CSNK2A3: variants seen among roughly 807,000 people sequenced by gnomAD.
CSNK2A3 encodes casein kinase 2 alpha 3, also known as casein kinase II subunit alpha 3.
In CSNK2A3, 31 loss-of-function variants were observed where a neutral mutation model predicts 36.5. That is an observed-to-expected ratio of 0.85 (90% CI 0.64 to 1.15). The LOEUF is 1.15. CSNK2A3 is among the 50% of genes most tolerant of loss of function. The pLI, the probability that CSNK2A3 is intolerant of heterozygous loss-of-function variation, is 0.00. For synonymous variants in CSNK2A3, 152 were observed against 176.3 expected, an observed-to-expected ratio of 0.86 and a Z score of 1.09; for missense variants, 443 against 487.2, an observed-to-expected ratio of 0.91 and a Z score of 0.85.
chr11:11,352,962 A>T lies in CSNK2A3; in HGVS notation c.158T>A (p.Val53Glu), dbSNP rs751042839. The T allele has an allele frequency of 4.3e-6, 7 of 1,614,064 alleles. No homozygotes were observed. In the South Asian group the frequency reaches 7.7e-5, roughly 18 times the overall value. Residue 53 changes from valine to glutamate, a missense_variant, in exon 1 of 1, where the codon GTA (valine) becomes GAA (glutamate). Coordinates refer to ENST00000528848, the MANE Select transcript of CSNK2A3 (RefSeq NM_001256686.2). ...ATTTGTGATGTTGATGGCTTCAAAT[A>T]CTTCACTGTATTTACCTCGGCCTAA... ...RKLGRGKYSEVFEAINITNNE... is the reference protein window; with the variant it reads ...RKLGRGKYSEEFEAINITNNE...
Position 11,353,001 on chromosome 11 carries a change from T to G in CSNK2A3, c.119A>C (p.Gln40Pro). The change falls in exon 1 of 1, where the codon CAG becomes CCG. Residue 40 changes from glutamine (Q) to proline (P), a missense_variant. Coordinates refer to ENST00000528848, the MANE Select transcript of CSNK2A3 (RefSeq NM_001256686.2). ...VVEWGNQDDYQLVRKLGRGKY... is the reference protein window; with the variant it reads ...VVEWGNQDDYPLVRKLGRGKY... Reference sequence around the variant, plus strand: ...ACCTCGGCCTAATTTTCGAACCAGCTGGTAGTCATCTTGATTTCCCCATTC... The same window carrying G: ...ACCTCGGCCTAATTTTCGAACCAGCGGGTAGTCATCTTGATTTCCCCATTC... The G allele has an allele frequency of 6.2e-7, 1 of 1,614,228 alleles. No homozygotes were observed. Among genetic ancestry groups the G allele is most frequent in the Non-Finnish European group, 8.5e-7 (1 of 1,180,044 alleles).
Position 11,352,058 on chromosome 11 carries a change from C to T in CSNK2A3, c.1062G>A (p.Gly354=). 2 of 1,613,816 alleles carry T rather than the reference C, an allele frequency of 1.2e-6. No homozygotes were observed. The highest frequency in any genetic ancestry group is 2.2e-5 in the East Asian group (1 of 44,846). Reference sequence around the variant, plus strand: ...GTGAAGGAGTTGGCACTGAAGAAATCCCTGACATCACATTGGCGCTGCTGA... The same window carrying T: ...GTGAAGGAGTTGGCACTGAAGAAATTCCTGACATCACATTGGCGCTGCTGA... ...TPVSSANVMS[G]ISSVPTPSPL... The change falls in exon 1 of 1, where the codon GGG becomes GGA. Residue 354 remains glycine (G), a synonymous_variant. Transcript: ENST00000528848.
chr11:11,352,670 CATGCTGTGACAATA>C, the CSNK2A3 span: 382 of 1,614,168 alleles, frequency 2.4e-4, 8 homozygotes, highest in South Asian at 3.9e-3. Flanking sequence ...GCATAATTCC[CATGCTGTGACAATA>C]ATCCAGGGCC....
In CSNK2A3 at chr11:11,352,152, T is replaced by A; in HGVS notation, c.968A>T (p.Tyr323Phe). The stretch of plus-strand genomic sequence containing the variant: ...CTGGTCCTTCACAACAGTGTAGAAA[T>A]AGGGGTGCTCCATGGCCTCTCTTGC... ...LTAREAMEHP[Y>F]FYTVVKDQAR... The change falls in exon 1 of 1, where the codon TAT becomes TTT. Residue 323 changes from tyrosine to phenylalanine, a missense_variant. Physicochemically the swap from Tyr to Phe is conservative, Grantham distance 22. Transcript: ENST00000528848. 1.2e-6 allele frequency: 2 copies of A among 1,612,960 alleles called. No individual in the cohort carries two copies.
Position 11,352,510 on chromosome 11 carries a change from C to T in CSNK2A3, c.610G>A (p.Val204Ile), listed in dbSNP as rs756355510. ...CTATAATCGTACATCTGATAGTCTA[C>T]AAGTAGCTCAGGACCTTTGAAGTAT... ...SRYFKGPELL[V>I]DYQMYDYSLD... The change falls in exon 1 of 1, where the codon GTA (valine) becomes ATA (isoleucine). Residue 204 changes from valine (V) to isoleucine (I), a missense_variant. Coordinates refer to ENST00000528848, the MANE Select transcript of CSNK2A3 (RefSeq NM_001256686.2). 6.2e-7 allele frequency: 1 copy of T among 1,614,122 alleles called. No individual in the cohort carries two copies. Among genetic ancestry groups the T allele is most frequent in the Non-Finnish European group, 8.5e-7 (1 of 1,180,038 alleles).
At position 11,352,127 on chromosome 11, in the gene CSNK2A3, C is replaced by T; in HGVS notation, c.993G>A (p.Gln331=). Residue 331 remains glutamine, a synonymous_variant, in exon 1 of 1, where the codon CAG becomes CAA. Coordinates refer to ENST00000528848, the MANE Select transcript of CSNK2A3 (RefSeq NM_001256686.2). ...GCATGCTAGATGAACCCATTCGAGC[C>T]TGGTCCTTCACAACAGTGTAGAAAT... ...HPYFYTVVKD[Q]ARMGSSSMPG... 1 of 1,613,586 alleles carries T rather than the reference C, an allele frequency of 6.2e-7. No homozygotes were observed. The highest frequency in any genetic ancestry group is 2.2e-5 in the East Asian group (1 of 44,860).
Position 11,352,342 on chromosome 11 carries a change from T to C in CSNK2A3, c.778A>G (p.Lys260Glu). The C allele has an allele frequency of 6.8e-6, 11 of 1,614,146 alleles. No homozygotes were observed. The highest frequency in any genetic ancestry group is 9.3e-6 in the Non-Finnish European group (11 of 1,180,024). Reference sequence around the variant, plus strand: ...CGTGGATCTAATTCAATGTTGTATTTGTCAATATAGCCATATAAATCTTCT... The same window carrying C: ...CGTGGATCTAATTCAATGTTGTATTCGTCAATATAGCCATATAAATCTTCT... ...GTEDLYGYID[K>E]YNIELDPRFN... Residue 260 changes from lysine (K) to glutamate (E), a missense_variant, in exon 1 of 1, where the codon AAA becomes GAA. Lys to Glu is a moderately conservative substitution (Grantham distance 56, BLOSUM62 1). Coordinates refer to ENST00000528848, the MANE Select transcript of CSNK2A3 (RefSeq NM_001256686.2).
At position 11,352,234 on chromosome 11, in the gene CSNK2A3, C is replaced by T. The variant is rs760161199; in HGVS notation, c.886G>A (p.Glu296Lys). 9 of 1,613,912 alleles carry T rather than the reference C, an allele frequency of 5.6e-6. No homozygotes were observed. In the Admixed American group the frequency reaches 1.5e-4, roughly 27 times the overall value. Residue 296 changes from glutamate (E) to lysine (K), a missense_variant, in exon 1 of 1, where the codon GAG becomes AAG. Physicochemically the swap from Glu to Lys is moderately conservative, Grantham distance 56. Coordinates refer to ENST00000528848, the MANE Select transcript of CSNK2A3 (RefSeq NM_001256686.2). ...AGTTTGTCCAGGAAATCCAAGGCCT[C>T]AGGGCTGACAAGGTGCTGATTTTCA... Reference protein sequence around the residue: ...HSENQHLVSPEALDFLDKLLR... With the variant: ...HSENQHLVSPKALDFLDKLLR...
At position 11,353,244 on chromosome 11, in the gene CSNK2A3, G is replaced by T; in HGVS notation, c.-125C>A. The T allele has an allele frequency of 1.6e-6, 2 of 1,237,292 alleles. No homozygotes were observed. Among genetic ancestry groups the T allele is most frequent in the Non-Finnish European group, 1.1e-6 (1 of 875,438 alleles). 76.6% of individuals were successfully genotyped at this position (1,237,292 alleles called of 1,614,324 possible). A position where few individuals can be genotyped will look rare whatever the true frequency, so the allele number is the denominator to read the frequency against. ...TTTTCTTCACACTGTGGTGGAAGCG[G>T]CAGCGGCTGTGGCCGCTCTCCCTTC... On this transcript the variant is annotated 5_prime_UTR_variant, in exon 1 of 1. Coordinates refer to ENST00000528848, the MANE Select transcript of CSNK2A3 (RefSeq NM_001256686.2).
chr11:11,352,069 C>T lies in CSNK2A3; in HGVS notation c.1051G>A (p.Val351Met), dbSNP rs1056965. 1.2e-6 allele frequency: 2 copies of T among 1,613,824 alleles called. No individual in the cohort carries two copies. The highest frequency in any genetic ancestry group is 1.7e-6 in the Non-Finnish European group (2 of 1,179,992). The stretch of plus-strand genomic sequence containing the variant: ...GGCACTGAAGAAATCCCTGACATCA[C>T]ATTGGCGCTGCTGACGGGCGTACTG... Reference protein sequence around the residue: ...GGSTPVSSANVMSGISSVPTP... With the variant: ...GGSTPVSSANMMSGISSVPTP... Residue 351 changes from valine to methionine, a missense_variant, in exon 1 of 1, where the codon GTG becomes ATG. Physicochemically the swap from Val to Met is conservative, Grantham distance 21. Transcript: ENST00000528848.
At position 11,352,801 on chromosome 11, in the gene CSNK2A3, G is replaced by C. The variant is rs189116067; in HGVS notation, c.319C>G (p.Arg107Gly). 6 of 1,614,052 alleles carry C rather than the reference G, an allele frequency of 3.7e-6. No individual in the cohort carries two copies. The highest frequency in any genetic ancestry group is 5.1e-6 in the Non-Finnish European group (6 of 1,180,042). Residue 107 changes from arginine to glycine, a missense_variant, in exon 1 of 1, where the codon CGA becomes GGA. Coordinates refer to ENST00000528848, the MANE Select transcript of CSNK2A3 (RefSeq NM_001256686.2). ...TGTTCAAAAACCAAGGCGGGGGTTCGTGACACAGGGTCTTTTACAATGTCT... is the reference window on the plus strand; with the variant it reads ...TGTTCAAAAACCAAGGCGGGGGTTCCTGACACAGGGTCTTTTACAATGTCT... ...LADIVKDPVS[R>G]TPALVFEHVN...
Position 11,352,881 on chromosome 11 carries a change from C to T in CSNK2A3, c.239G>A (p.Arg80His), listed in dbSNP as rs757842632. The T allele has an allele frequency of 1.8e-5, 29 of 1,614,024 alleles. No individual in the cohort carries two copies. Among genetic ancestry groups the T allele is most frequent in the Admixed American group, 6.7e-5 (4 of 59,990 alleles). ...LKPVKKKKIK[R>H]EIKILENLRG... ...CAAATTCTCCAAAATCTTTATTTCA[C>T]GCTTAATTTTCTTCTTTTTTACTGG... The change falls in exon 1 of 1, where the codon CGT becomes CAT. Residue 80 changes from arginine to histidine, a missense_variant. Arg to His is a conservative substitution (Grantham distance 29, BLOSUM62 0). Coordinates refer to ENST00000528848, the MANE Select transcript of CSNK2A3 (RefSeq NM_001256686.2).
rs768428700 is a variant in CSNK2A3 at position 11,351,954 on chromosome 11, G to A, written c.1166C>T (p.Ala389Val). ...AGACAGATAGGGCCGTTACTGCTGA[G>A]CGCCAGTGGCAGCTGGAACAGGCAT... is the stretch of plus-strand genomic sequence containing the variant. Reference protein sequence around the residue: ...LGMPVPAATGAQQ With the variant: ...LGMPVPAATGVQQ The change falls in exon 1 of 1, where the codon GCT (alanine) becomes GTT (valine). Residue 389 changes from alanine to valine, a missense_variant. Ala to Val is a moderately conservative substitution (Grantham distance 64). Coordinates refer to ENST00000528848, the MANE Select transcript of CSNK2A3 (RefSeq NM_001256686.2). 1.1e-5 allele frequency: 17 copies of A among 1,593,764 alleles called. No individual in the cohort carries two copies. In the African/African-American group the frequency reaches 1.9e-4, roughly 18 times the overall value.
Position 11,352,006 on chromosome 11 carries a change from C to T in CSNK2A3, c.1114G>A (p.Val372Met), listed in dbSNP as rs1328598548. 8.7e-6 allele frequency: 14 copies of T among 1,613,148 alleles called. No individual in the cohort carries two copies. The highest frequency in any genetic ancestry group is 1.0e-5 in the Non-Finnish European group (12 of 1,179,690). Residue 372 changes from valine (V) to methionine (M), a missense_variant, in exon 1 of 1, where the codon GTG becomes ATG. Val to Met is a conservative substitution (Grantham distance 21, BLOSUM62 1). Coordinates refer to ENST00000528848, the MANE Select transcript of CSNK2A3 (RefSeq NM_001256686.2). ...SPLGPLAGSP[V>M]IAAANPLGMP... ...CCAAGGGGGTTGGCAGCAGCAATCA[C>T]TGGTGAGCCTGCCAGAGGTCCAAGG...
In CSNK2A3 at chr11:11,352,263, T is replaced by C. The variant is rs747145401; in HGVS notation, c.857A>G (p.His286Arg). The C allele has an allele frequency of 8.1e-6, 13 of 1,613,986 alleles. No homozygotes were observed. The highest frequency in any genetic ancestry group is 2.2e-5 in the South Asian group (2 of 91,078). ...HSRKRWERFV[H>R]SENQHLVSPE... Reference sequence around the variant, plus strand: ...GCTGACAAGGTGCTGATTTTCACTGTGGACAAAGCGTTCCCATCGCTTTCG... The same window carrying C: ...GCTGACAAGGTGCTGATTTTCACTGCGGACAAAGCGTTCCCATCGCTTTCG... Residue 286 changes from histidine to arginine, a missense_variant, in exon 1 of 1, where the codon CAC becomes CGC. Transcript: ENST00000528848.
chr11:11,352,811 G>A lies in CSNK2A3; in HGVS notation c.309C>T (p.Asp103=), dbSNP rs1455875891. The A allele has an allele frequency of 1.2e-6, 2 of 1,614,030 alleles. No individual in the cohort carries two copies. Among genetic ancestry groups the A allele is most frequent in the East Asian group, 4.5e-5 (2 of 44,902 alleles). ...NIITLADIVK[D]PVSRTPALVF... is the part of the protein sequence containing the mutation. ...CCAAGGCGGGGGTTCGTGACACAGG[G>A]TCTTTTACAATGTCTGCCAGTGTGA... The change falls in exon 1 of 1, where the codon GAC becomes GAT. Residue 103 remains aspartate, a synonymous_variant. Coordinates refer to ENST00000528848, the MANE Select transcript of CSNK2A3 (RefSeq NM_001256686.2).
In CSNK2A3 at chr11:11,352,954, C is replaced by T. The variant is rs1250492680; in HGVS notation, c.166G>A (p.Ala56Thr). 6.2e-7 allele frequency: 1 copy of T among 1,614,116 alleles called. No individual in the cohort carries two copies. The highest frequency in any genetic ancestry group is 1.7e-5 in the Admixed American group (1 of 60,010). ...GRGKYSEVFE[A>T]INITNNEKVV... ...TTTTCATTATTTGTGATGTTGATGG[C>T]TTCAAATACTTCACTGTATTTACCT... The change falls in exon 1 of 1, where the codon GCC (alanine) becomes ACC (threonine). Residue 56 changes from alanine (A) to threonine (T), a missense_variant. Coordinates refer to ENST00000528848, the MANE Select transcript of CSNK2A3 (RefSeq NM_001256686.2).
the CSNK2A3 span, chr11:11,352,549 G>A: frequency 1.4e-4 from 233 of 1,614,046 alleles, no homozygotes; most frequent in African/African-American, 4.3e-4. Flanking sequence ...GAAGCAACTC[G>A]GACATTATAT....
In CSNK2A3 at chr11:11,352,590, C is replaced by A; in HGVS notation, c.530G>T (p.Gly177Val). ...EHRKLRLIDW[G>V]LAEFYHPGQE... The stretch of plus-strand genomic sequence containing the variant: ...GCCAGGATGATAAAACTCAGCCAAA[C>A]CCCAGTCTATTAGTCGTAGCTTTCT... The change falls in exon 1 of 1, where the codon GGT (glycine) becomes GTT (valine). Residue 177 changes from glycine (G) to valine (V), a missense_variant. Coordinates refer to ENST00000528848, the MANE Select transcript of CSNK2A3 (RefSeq NM_001256686.2). 3 of 1,614,174 alleles carry A rather than the reference C, an allele frequency of 1.9e-6. No homozygotes were observed. The highest frequency in any genetic ancestry group is 2.2e-5 in the East Asian group (1 of 44,886).
Sources: allele counts gnomAD v4.1 joint callset, GRCh38; gene constraint gnomAD v4.1.1; transcripts MANE v1.5; gene names NCBI Gene and HGNC (gene_info 2026-07-23, HGNC 2026-07-21).